The following SNX11 variants were observed in gnomAD, a reference collection of about 807,000 sequenced individuals.
SNX11 encodes sorting nexin-11.
SNX11 carries 19 observed loss-of-function variants against 30.7 expected under a neutral mutation model. The observed-to-expected ratio is 0.62, with a 90% CI of 0.43 to 0.91. The LOEUF is 0.91. SNX11 is among the 40% of genes least tolerant of loss of function. The pLI is 0.00. For synonymous variants in SNX11, 112 were observed against 119.0 expected, an observed-to-expected ratio of 0.94 and a Z score of 0.38; for missense variants, 302 against 326.7, an observed-to-expected ratio of 0.92 and a Z score of 0.58.
intron 1 of SNX11, among the ~76,000 whole-genome samples, chr17:48,111,423 G>A (rs557552141): frequency 6.6e-6 from 1 of 152,200 alleles, no homozygotes; most frequent in South Asian, 2.1e-4. Flanking sequence ...CGAGGAGGGC[G>A]GATCACTTGA....
intron 6 of SNX11, 151 bp from the exon 7 acceptor site, chr17:48,121,084 C>G: frequency 1.3e-6 from 1 of 772,932 alleles, no homozygotes. Context: ...CTCCAAGGCT[C>G]AAGCAATCTT....
intron 1 of SNX11, chr17:48,111,245 G>T (rs572019420): frequency 5.2e-6 from 2 of 381,750 alleles, no homozygotes; most frequent in South Asian, 1.1e-4. Flanking sequence ...CACCTGTGGG[G>T]AGTTGACTGG....
In SNX11 at chr17:48,110,986, C is replaced by T. The variant is rs548277242; in HGVS notation, c.-13-1045C>T. On this transcript the variant is annotated intron_variant, in intron 1 of 6. Coordinates refer to ENST00000359238, the MANE Select transcript of SNX11 (RefSeq NM_013323.3). ...TCGGAGTGGGTGATGTCGCTATACA[C>T]GTGAACTGCCACATTGGGGAAAATC... 3.7e-4 allele frequency: 216 copies of T among 577,144 alleles called. No homozygotes were observed. In the African/African-American group the frequency reaches 3.8e-3, roughly 10 times the overall value. 35.8% of individuals were successfully genotyped at this position (577,144 alleles called of 1,614,324 possible). A position where few individuals can be genotyped will look rare whatever the true frequency, so the allele number is the denominator to read the frequency against.
In SNX11 at chr17:48,121,532, G is replaced by A. The variant is rs186178991; in HGVS notation, c.*24G>A. 59 of 1,609,452 alleles carry A rather than the reference G, an allele frequency of 3.7e-5. No homozygotes were observed. Among genetic ancestry groups the A allele is most frequent in the Non-Finnish European group, 4.8e-5 (57 of 1,177,872 alleles). On this transcript the variant is annotated 3_prime_UTR_variant, in exon 7 of 7. Coordinates refer to ENST00000359238, the MANE Select transcript of SNX11 (RefSeq NM_013323.3). ...GAGCTCTGGGTTCTGCTCTGAGATGGTCAGAGAAGATGCGGGCCAGGAGAC... is the reference window on the plus strand; with the variant it reads ...GAGCTCTGGGTTCTGCTCTGAGATGATCAGAGAAGATGCGGGCCAGGAGAC...
At chr17:48,118,563 G>T in intron 4 of SNX11, 141 bp from the exon 5 acceptor site, 1 of 597,862 alleles carries the variant, frequency 1.7e-6, no homozygotes, top group South Asian at 2.2e-5. Flanking sequence ...GGGCGACAGA[G>T]CGAGACTCCA....
At chr17:48,109,993 AGCTCC>A (rs2063475267) in intron 1 of SNX11, among the ~76,000 whole-genome samples, 1 of 137,496 alleles carries the variant, frequency 7.3e-6, no homozygotes. Flanking sequence ...AAGATGTATG[AGCTCC>A]ACTGAGTGGA....
At chr17:48,118,626 G>T (rs2063568196) in intron 4 of SNX11, 78 bp from the exon 5 acceptor site, 3 of 1,027,262 alleles carry the variant, frequency 2.9e-6, no homozygotes, top group South Asian at 1.4e-5. Context: ...CTTTTTAAGG[G>T]ATTTCCTTGA....
chr17:48,116,165 A>G (rs1160309626), intron 4 of SNX11, among the ~76,000 whole-genome samples: 1 of 151,970 alleles, frequency 6.6e-6, no homozygotes, highest in East Asian at 1.9e-4. Context: ...AGGCTGAGGC[A>G]GAGAATTGCT....
intron 1 of SNX11, 31 bp from the exon 2 acceptor site, chr17:48,112,000 C>T (rs757589846): frequency 3.2e-6 from 5 of 1,566,896 alleles, no homozygotes; most frequent in African/African-American, 1.4e-5. Flanking sequence ...GGCATACTAA[C>T]CTTGATCCTG....
At chr17:48,110,723 A>G (rs781333809) in intron 1 of SNX11, 3 of 152,676 alleles carry the variant, frequency 2.0e-5, no homozygotes, top group Non-Finnish European at 1.5e-5. Context: ...AGCCTGGATC[A>G]TTTGTTGGCA....
At chr17:48,115,943 C>CT (rs34017840) in intron 4 of SNX11, among the ~76,000 whole-genome samples, 130 of 130,292 alleles carry the variant, frequency 1.0e-3, no homozygotes, top group South Asian at 2.5e-3. Context: ...CTTTTTCTTT[C>CT]TTTTTTTTTT....
chr17:48,118,500 C>A (rs1035068954), intron 4 of SNX11, among the ~76,000 whole-genome samples: 1 of 151,850 alleles, frequency 6.6e-6, no homozygotes. Context: ...ACTGCTTGAA[C>A]CCGGGAGGCA....
In SNX11 at chr17:48,121,338, G is replaced by C; in HGVS notation, c.643G>C (p.Val215Leu). Residue 215 changes from valine (V) to leucine (L), a missense_variant, in exon 7 of 7, where the codon GTT becomes CTT. Val to Leu is a conservative substitution (Grantham distance 32). Coordinates refer to ENST00000359238, the MANE Select transcript of SNX11 (RefSeq NM_013323.3). ...GTGGGCTCCAGTTGTTGACTCTGAG[G>C]TTCCTTCCTTGGAAAGTCCCACTCT... Reference protein sequence around the residue: ...EVWAPVVDSEVPSLESPTLPP... With the variant: ...EVWAPVVDSELPSLESPTLPP... 6.2e-7 allele frequency: 1 copy of C among 1,614,100 alleles called. No homozygotes were observed. Among genetic ancestry groups the C allele is most frequent in the East Asian group, 2.2e-5 (1 of 44,886 alleles).
At chr17:48,117,253 ATTT>A (rs2063555301) in intron 4 of SNX11, among the ~76,000 whole-genome samples, 18 of 43,612 alleles carry the variant, frequency 4.1e-4, no homozygotes, top group Admixed American at 3.4e-3. Context: ...TTATTTATTT[ATTT>A]AATTTTTTTT....
rs766724223 is a variant in SNX11 at position 48,121,727 on chromosome 17, CAG to C, written c.*220_*221del. The C allele has an allele frequency of 3.6e-5, 20 of 561,936 alleles. No homozygotes were observed. The highest frequency in any genetic ancestry group is 9.5e-5 in the Admixed American group (3 of 31,554). The allele number at this position is 561,936 out of a possible 1,614,324, so 34.8% of individuals were successfully genotyped here. On this transcript the variant is annotated 3_prime_UTR_variant, in exon 7 of 7. Transcript: ENST00000359238. ...ATGTTTGTAAGTTAAACATAAGACACAGGGGCTGTTGCTTTTGAACAGAACCC... is the reference window on the plus strand; with the variant it reads ...ATGTTTGTAAGTTAAACATAAGACACGGGCTGTTGCTTTTGAACAGAACCC...
At chr17:48,110,726 T>G (rs2063483605) in intron 1 of SNX11, 1 of 152,686 alleles carries the variant, frequency 6.5e-6, no homozygotes, top group South Asian at 2.1e-4. Flanking sequence ...CTGGATCATT[T>G]GTTGGCAGTA....
intron 4 of SNX11, among the ~76,000 whole-genome samples, chr17:48,115,495 C>T (rs66743695): frequency 0.032 from 4,826 of 152,210 alleles, 91 homozygotes; most frequent in East Asian, 0.053. Flanking sequence ...GTCTAGAGCT[C>T]AACAAATATA....
chr17:48,109,677 A>G (rs530384794), intron 1 of SNX11, among the ~76,000 whole-genome samples: 2 of 151,698 alleles, frequency 1.3e-5, no homozygotes, highest in South Asian at 4.2e-4. Context: ...TCCCGGGTTC[A>G]AGTGATTCTC....
chr17:48,111,857 C>A, intron 1 of SNX11, 174 bp from the exon 2 acceptor site: 1 of 592,210 alleles, frequency 1.7e-6, no homozygotes, highest in Non-Finnish European at 3.0e-6. Context: ...TTTAGCTTGG[C>A]ATTGAGCTAA....
Sources: allele counts gnomAD v4.1 joint callset (sites outside exome capture counted in the v4.1 genomes callset), GRCh38; gene constraint gnomAD v4.1.1; transcripts MANE v1.5; gene names NCBI Gene and HGNC (gene_info 2026-07-23, HGNC 2026-07-21).